NTM: variants seen among roughly 807,000 people sequenced by gnomAD.
The protein encoded by NTM is neurotrimin.
In NTM, 13 loss-of-function variants were observed where a neutral mutation model predicts 42.1. That is an observed-to-expected ratio of 0.31 (90% CI 0.20 to 0.49). The LOEUF (loss-of-function observed/expected upper bound fraction) is 0.49. NTM is among the 20% of genes least tolerant of loss of function. The probability of loss-of-function intolerance (pLI) is 0.99; values close to 1 mark genes in which losing one functional copy is unlikely to be tolerated. For synonymous variants in NTM, 187 were observed against 179.2 expected, an observed-to-expected ratio of 1.04 and a Z score of -0.35; for missense variants, 373 against 452.8, an observed-to-expected ratio of 0.82 and a Z score of 1.60.
intron 7 of NTM, among the ~76,000 whole-genome samples, chr11:132,320,932 G>A (rs890258619): frequency 1.3e-5 from 2 of 151,340 alleles, no homozygotes; most frequent in Middle Eastern, 6.8e-3. Context: ...ACCTCACACT[G>A]CAGGGTACTC....
chr11:132,033,429 A>G (rs552716323), intron 2 of NTM, among the ~76,000 whole-genome samples: 4 of 152,340 alleles, frequency 2.6e-5, no homozygotes, highest in African/African-American at 9.6e-5. Flanking sequence ...TTCCAATGCA[A>G]AGTAGAAAGC....
At position 131,588,248 on chromosome 11, in the gene NTM, G is replaced by A. The variant is rs2059053154; in HGVS notation, c.82+217360G>A. On this transcript the variant is annotated intron_variant, in intron 1 of 8. Coordinates refer to ENST00000683400, the MANE Select transcript of NTM (RefSeq NM_001352005.2). ...TTGGTCCCTTGCCAAGCAGGCGTCTGCACAGGGCTTCCTCACAACATGGCA... is the reference window on the plus strand; with the variant it reads ...TTGGTCCCTTGCCAAGCAGGCGTCTACACAGGGCTTCCTCACAACATGGCA... Among the ~76,000 whole-genome samples, 3 of 152,230 alleles carry A rather than the reference G, an allele frequency of 2.0e-5. No homozygotes were observed. In the South Asian group the frequency reaches 6.2e-4, roughly 32 times the overall value.
chr11:132,314,839 GAGAGACAC>G (rs979041168), intron 7 of NTM, 136 bp downstream of exon 7: 1 of 1,395,060 alleles, frequency 7.2e-7, no homozygotes, highest in Non-Finnish European at 9.3e-7. Flanking sequence ...AAAAAAAAGA[GAGAGACAC>G]AGAAAGAAAT....
intron 1 of NTM, among the ~76,000 whole-genome samples, chr11:131,734,195 A>T (rs1218789377): frequency 6.6e-6 from 1 of 152,042 alleles, no homozygotes; most frequent in Non-Finnish European, 1.5e-5. Flanking sequence ...CTCATCCCCC[A>T]TCCCTGAAGC....
At chr11:131,557,783 T>C (rs1044313708) in intron 1 of NTM, among the ~76,000 whole-genome samples, 1 of 151,654 alleles carries the variant, frequency 6.6e-6, no homozygotes, top group Non-Finnish European at 1.5e-5. Context: ...GGAGGGTGAG[T>C]AGTGGTCTGT....
At chr11:131,838,693 G>A (rs1436590695) in intron 1 of NTM, among the ~76,000 whole-genome samples, 5 of 144,408 alleles carry the variant, frequency 3.5e-5, no homozygotes, top group African/African-American at 1.3e-4. Flanking sequence ...TGATCTGATA[G>A]AAGATATTGG....
intron 2 of NTM, among the ~76,000 whole-genome samples, chr11:132,018,994 G>A (rs1321077538): frequency 6.6e-6 from 1 of 151,788 alleles, no homozygotes; most frequent in African/African-American, 2.4e-5. Flanking sequence ...TAATTTGTCG[G>A]CATAAGGTTG....
In NTM at chr11:131,969,418, C is replaced by T. The variant is rs181202237; in HGVS notation, c.167+57770C>T. On this transcript the variant is annotated intron_variant, in intron 2 of 8. Coordinates refer to ENST00000683400, the MANE Select transcript of NTM (RefSeq NM_001352005.2). Reference sequence around the variant, plus strand: ...CTGTACTCTGTATGAATCATATGTACTTGTTCATGTTTTTCTGCAATTACT... The same window carrying T: ...CTGTACTCTGTATGAATCATATGTATTTGTTCATGTTTTTCTGCAATTACT... Among the ~76,000 whole-genome samples the T allele has an allele frequency of 2.0e-5, 3 of 152,290 alleles. No individual in the cohort carries two copies. The East Asian group carries it at 5.8e-4, about 29-fold the overall frequency.
chr11:131,521,239 C>T (rs1341698805), intron 1 of NTM, among the ~76,000 whole-genome samples: 5 of 150,710 alleles, frequency 3.3e-5, no homozygotes, highest in South Asian at 2.1e-4. Context: ...CACTTGGACC[C>T]GGGAAGTGGA....
intron 2 of NTM, among the ~76,000 whole-genome samples, chr11:132,046,656 A>G (rs1566022136): frequency 6.6e-6 from 1 of 152,074 alleles, no homozygotes. Context: ...AGTACAGATA[A>G]TAGATCATTC....
chr11:131,704,750 G>A (rs2076419518), intron 1 of NTM, among the ~76,000 whole-genome samples: 1 of 152,056 alleles, frequency 6.6e-6, no homozygotes, highest in African/African-American at 2.4e-5. Context: ...AATAACGCAT[G>A]AACAAAATAA....
chr11:131,443,827 C>T (rs1010895591), intron 1 of NTM, among the ~76,000 whole-genome samples: 6 of 152,120 alleles, frequency 3.9e-5, no homozygotes, highest in Non-Finnish European at 8.8e-5. Flanking sequence ...TGTGCAGAGA[C>T]CCACCCACCT....
At chr11:131,624,221 G>A (rs144440069) in intron 1 of NTM, among the ~76,000 whole-genome samples, 3 of 152,188 alleles carry the variant, frequency 2.0e-5, no homozygotes, top group Middle Eastern at 3.4e-3. Flanking sequence ...GTCCCTCTGC[G>A]TCCTGCCCTT....
chr11:131,592,306 C>G (rs1046184407), intron 1 of NTM, among the ~76,000 whole-genome samples: 2 of 152,044 alleles, frequency 1.3e-5, no homozygotes, highest in Non-Finnish European at 2.9e-5. Flanking sequence ...GTAACTTCAC[C>G]TCTCTGAGAC....
At chr11:131,816,271 A>T (rs2092947579) in intron 1 of NTM, among the ~76,000 whole-genome samples, 1 of 152,150 alleles carries the variant, frequency 6.6e-6, no homozygotes, top group Non-Finnish European at 1.5e-5. Flanking sequence ...CTGACTCAGT[A>T]TGCTGTTTTC....
At chr11:132,022,914 G>C (rs2074563676) in intron 2 of NTM, among the ~76,000 whole-genome samples, 1 of 152,152 alleles carries the variant, frequency 6.6e-6, no homozygotes, top group Non-Finnish European at 1.5e-5. Flanking sequence ...TGGGATCCCG[G>C]TTTTCTTCTA....
chr11:131,517,913 A>C (rs569706380), intron 1 of NTM, among the ~76,000 whole-genome samples: 1 of 152,256 alleles, frequency 6.6e-6, no homozygotes, highest in East Asian at 1.9e-4. Flanking sequence ...TTAGCCATTC[A>C]ACTTAGCACT....
chr11:131,939,121 G>T (rs2059535071), intron 2 of NTM, among the ~76,000 whole-genome samples: 2 of 152,154 alleles, frequency 1.3e-5, no homozygotes, highest in Non-Finnish European at 2.9e-5. Context: ...AAGATAAGGA[G>T]AAATTGTAGC....
chr11:131,781,523 A>G (rs1277584031), intron 1 of NTM, among the ~76,000 whole-genome samples: 1 of 152,180 alleles, frequency 6.6e-6, no homozygotes. Flanking sequence ...ATTATTGTTA[A>G]ATGTGTGCCA....
Sources: allele counts gnomAD v4.1 joint callset (sites outside exome capture counted in the v4.1 genomes callset), GRCh38; gene constraint gnomAD v4.1.1; transcripts MANE v1.5; gene names NCBI Gene and HGNC (gene_info 2026-07-23, HGNC 2026-07-21).